The following LHCGR variants were observed in gnomAD, a reference collection of about 807,000 sequenced individuals.
LHCGR encodes the protein lutropin-choriogonadotropic hormone receptor.
LHCGR carries 55 observed loss-of-function variants against 60.7 expected under a neutral mutation model. That is an observed-to-expected ratio of 0.91 (90% CI 0.73 to 1.13). LHCGR has a LOEUF of 1.13. Ranked by LOEUF, LHCGR falls within the 50% of genes most tolerant of loss-of-function variation. LHCGR has a pLI of 0.00. For synonymous variants in LHCGR, 337 were observed against 316.5 expected (o/e 1.06, Z -0.69); for missense variants, 862 against 836.0 (o/e 1.03, Z -0.38).
chr2:48,747,555 A>T (rs1310638675), intron 1 of LHCGR, among the ~76,000 whole-genome samples: 1 of 152,158 alleles, frequency 6.6e-6, no homozygotes, highest in African/African-American at 2.4e-5. Context: ...TTGCTGACTG[A>T]GCAGATCGAT....
At position 48,752,476 on chromosome 2, in the gene LHCGR, G is replaced by C. The variant is rs1355790904; in HGVS notation, c.161+3035C>G. ...CAGAGGCAAAGTCTATGATAATGTAGTGCAAGACCACATCCTCTCCTCCTG... is the reference window on the plus strand; with the variant it reads ...CAGAGGCAAAGTCTATGATAATGTACTGCAAGACCACATCCTCTCCTCCTG... On this transcript the variant is annotated intron_variant, in intron 1 of 10. Transcript: ENST00000294954. 2.0e-5 allele frequency among the ~76,000 whole-genome samples: 3 copies of C among 151,640 alleles called. No individual in the cohort carries two copies. In the East Asian group the frequency reaches 5.8e-4, roughly 29 times the overall value.
chr2:48,730,946 G>T (rs1483124662), intron 2 of LHCGR, among the ~76,000 whole-genome samples: 1 of 152,056 alleles, frequency 6.6e-6, no homozygotes, highest in Non-Finnish European at 1.5e-5. Context: ...TTTATGATTG[G>T]AATCTATCTT....
chr2:48,722,830 G>A (rs1479611573), intron 6 of LHCGR, among the ~76,000 whole-genome samples: 1 of 152,206 alleles, frequency 6.6e-6, no homozygotes, highest in Non-Finnish European at 1.5e-5. Context: ...CTCAGAAGAT[G>A]CTGAAGATCA....
Position 48,688,460 on chromosome 2 carries a change from G to C in LHCGR, c.1337C>G (p.Thr446Ser), listed in dbSNP as rs920543485. Residue 446 changes from threonine (T) to serine (S), a missense_variant, in exon 11 of 11, where the codon ACT becomes AGT. Thr to Ser is a moderately conservative substitution (Grantham distance 58, BLOSUM62 1). Coordinates refer to ENST00000294954, the MANE Select transcript of LHCGR (RefSeq NM_000233.4). The surrounding 1 kb of genome is among the most constrained non-coding windows in gnomAD (Gnocchi z 5.2). ...GSGCSTAGFF[T>S]VFASELSVYT... ...GACAGAAAGTTCACTTGCGAATACA[G>C]TGAAAAAGCCAGCAGTGCTGCACCC... is the stretch of plus-strand genomic sequence containing the variant. The C allele has an allele frequency of 2.5e-6, 4 of 1,614,080 alleles. No homozygotes were observed. In the South Asian group the frequency reaches 3.3e-5, roughly 13 times the overall value.
At chr2:48,733,399 T>G (rs1267023651) in intron 1 of LHCGR, among the ~76,000 whole-genome samples, 2 of 152,060 alleles carry the variant, frequency 1.3e-5, no homozygotes, top group Non-Finnish European at 1.5e-5. Context: ...GGAGGAGGGA[T>G]GAGGAGCAAA....
Position 48,688,567 on chromosome 2 carries a change from G to C in LHCGR, c.1230C>G (p.Leu410=), listed in dbSNP as rs764083454. The part of the protein sequence containing the change: ...NLSFADFCMG[L]YLLLIASVDS... ...CAACTGAGGCTATGAGCAGCAGATA[G>C]AGCCCCATGCAAAAGTCTGCAAAGG... The change falls in exon 11 of 11, where the codon CTC becomes CTG. Residue 410 remains leucine (L), a synonymous_variant. Coordinates refer to ENST00000294954, the MANE Select transcript of LHCGR (RefSeq NM_000233.4). The surrounding 1 kb of genome is among the most constrained non-coding windows in gnomAD (Gnocchi z 5.2). The C allele has an allele frequency of 6.8e-6, 11 of 1,614,066 alleles. No homozygotes were observed. Among genetic ancestry groups the C allele is most frequent in the African/African-American group, 1.3e-5 (1 of 74,922 alleles).
intron 2 of LHCGR, among the ~76,000 whole-genome samples, chr2:48,730,002 T>C (rs1668918583): frequency 1.3e-5 from 2 of 152,144 alleles, no homozygotes; most frequent in East Asian, 1.9e-4. Context: ...TTCGCAAGCA[T>C]GTAAGTCATG....
intron 1 of LHCGR, among the ~76,000 whole-genome samples, chr2:48,742,541 C>G (rs1669507057): frequency 6.6e-6 from 1 of 151,890 alleles, no homozygotes; most frequent in Non-Finnish European, 1.5e-5. Flanking sequence ...AAGAATCTCA[C>G]TCAAAACCGC....
intron 1 of LHCGR, among the ~76,000 whole-genome samples, chr2:48,743,896 G>T (rs1263169453): frequency 6.6e-6 from 1 of 151,670 alleles, no homozygotes; most frequent in Non-Finnish European, 1.5e-5. Context: ...AAAAGAGGAA[G>T]TCAAATTGTC....
chr2:48,732,593 C>T lies in LHCGR; in HGVS notation c.162-1295G>A, dbSNP rs75138049. Reference sequence around the variant, plus strand: ...CTAAGTAACCTGAACAAGGTTACAACGAGGCAGAATGACTCCAGACATCCT... The same window carrying T: ...CTAAGTAACCTGAACAAGGTTACAATGAGGCAGAATGACTCCAGACATCCT... On this transcript the variant is annotated intron_variant, in intron 1 of 10. Transcript: ENST00000294954. 4.9e-3 allele frequency among the ~76,000 whole-genome samples: 739 copies of T among 152,156 alleles called. 6 individuals are homozygous for T. Among genetic ancestry groups the T allele is most frequent in the Non-Finnish European group, 5.7e-3 (389 of 67,994 alleles).
In LHCGR at chr2:48,688,470, C is replaced by T; in HGVS notation, c.1327G>A (p.Gly443Ser). 1 of 1,614,164 alleles carries T rather than the reference C, an allele frequency of 6.2e-7. No individual in the cohort carries two copies. The highest frequency in any genetic ancestry group is 8.5e-7 in the Non-Finnish European group (1 of 1,180,038). The change falls in exon 11 of 11, where the codon GGC becomes AGC. Residue 443 changes from glycine (G) to serine (S), a missense_variant. Coordinates refer to ENST00000294954, the MANE Select transcript of LHCGR (RefSeq NM_000233.4). The surrounding 1 kb of genome is among the most constrained non-coding windows in gnomAD (Gnocchi z 5.2). Reference sequence around the variant, plus strand: ...TCACTTGCGAATACAGTGAAAAAGCCAGCAGTGCTGCACCCACTCCCTGTC... The same window carrying T: ...TCACTTGCGAATACAGTGAAAAAGCTAGCAGTGCTGCACCCACTCCCTGTC... ...WQTGSGCSTA[G>S]FFTVFASELS...
intron 6 of LHCGR, among the ~76,000 whole-genome samples, chr2:48,715,699 A>G (rs919116882): frequency 6.6e-6 from 1 of 152,158 alleles, no homozygotes; most frequent in African/African-American, 2.4e-5. Context: ...GTGTGTATGT[A>G]TGTGTGGTCT....
chr2:48,747,905 T>C (rs537859347), intron 1 of LHCGR, among the ~76,000 whole-genome samples: 7 of 152,310 alleles, frequency 4.6e-5, no homozygotes, highest in South Asian at 4.2e-4. Flanking sequence ...AGGGCATATG[T>C]TGTTGCTCAG....
intron 6 of LHCGR, among the ~76,000 whole-genome samples, chr2:48,716,075 CTGGATGCCACTTTCAATAGT>C (rs939297362): frequency 1.3e-5 from 2 of 152,160 alleles, no homozygotes; most frequent in African/African-American, 4.8e-5. Context: ...TATTGGATTA[CTGGATGCCACTTTCAATAGT>C]TTTCATCCCT....
intron 7 of LHCGR, 132 bp downstream of exon 7, chr2:48,713,854 T>C: frequency 2.6e-6 from 2 of 764,000 alleles, no homozygotes; most frequent in Non-Finnish European, 2.3e-6. Flanking sequence ...GTAACATGCA[T>C]GAAACACTGA....
chr2:48,752,298 T>C (rs1039532827), intron 1 of LHCGR, among the ~76,000 whole-genome samples: 1 of 152,076 alleles, frequency 6.6e-6, no homozygotes, highest in African/African-American at 2.4e-5. Context: ...ATAGTGAACT[T>C]TGGATGGAGG....
rs375833839 is a variant in LHCGR, at chr2:48,730,040, C to T, written c.234-813G>A. Among the ~76,000 whole-genome samples the T allele has an allele frequency of 1.6e-4, 24 of 152,130 alleles. No individual in the cohort carries two copies. The East Asian group carries it at 3.3e-3, about 21-fold the overall frequency. ...AATGTTACCCTAAAATCCCAACATA[C>T]GCTACCATTTCCTGCCAGTTGAAAA... is the stretch of plus-strand genomic sequence containing the variant. On this transcript the variant is annotated intron_variant, in intron 2 of 10. Transcript: ENST00000294954.
intron 7 of LHCGR, 68 bp from the exon 8 acceptor site, chr2:48,709,090 C>A (rs1667851502): frequency 7.9e-7 from 1 of 1,270,312 alleles, no homozygotes. Context: ...GCTCCATATA[C>A]ACATGTTTAG....
At chr2:48,736,029 A>T (rs1404017802) in intron 1 of LHCGR, among the ~76,000 whole-genome samples, 2 of 152,008 alleles carry the variant, frequency 1.3e-5, no homozygotes, top group Non-Finnish European at 2.9e-5. Flanking sequence ...GCTACATGAA[A>T]ATGTGCTTGC....
Sources: allele counts gnomAD v4.1 joint callset (sites outside exome capture counted in the v4.1 genomes callset), GRCh38; gene constraint gnomAD v4.1.1; non-coding constraint Gnocchi (gnomAD v3.1); transcripts MANE v1.5; gene names NCBI Gene and HGNC (gene_info 2026-07-23, HGNC 2026-07-21).